Variants in DISC1 observed in about 807,000 individuals in gnomAD.
The protein encoded by DISC1 is disrupted in schizophrenia 1 protein.
A neutral mutation model predicts 84.5 loss-of-function variants in DISC1; 57 were observed. The observed-to-expected ratio is 0.67, with a 90% CI of 0.55 to 0.84. The LOEUF (loss-of-function observed/expected upper bound fraction) is 0.84. Among genes scored for constraint, DISC1 ranks in the 40% least tolerant of loss-of-function variants. The pLI is 0.00. For missense variants in DISC1, 1,000 were observed against 1,057.8 expected, an observed-to-expected ratio of 0.95 and a Z score of 0.76; for synonymous variants, 411 against 415.2, an observed-to-expected ratio of 0.99 and a Z score of 0.12.
chr1:231,705,415 TGGA>T (rs905493714), intron 3 of DISC1, among the ~76,000 whole-genome samples: 6 of 141,098 alleles, frequency 4.3e-5, no homozygotes, highest in African/African-American at 1.6e-4. Context: ...ATCAAAGTAG[TGGA>T]GGAGGAGGCA....
intron 4 of DISC1, among the ~76,000 whole-genome samples, chr1:231,752,401 G>C (rs1478933847): frequency 6.6e-6 from 1 of 152,150 alleles, no homozygotes; most frequent in Non-Finnish European, 1.5e-5. Context: ...AGAGAGAAAA[G>C]AGGGAGGTGC....
chr1:232,010,633 C>G (rs999519240), intron 11 of DISC1, among the ~76,000 whole-genome samples: 1 of 152,078 alleles, frequency 6.6e-6, no homozygotes, highest in African/African-American at 2.4e-5. Context: ...TACAAATGTG[C>G]TTAATATAAA....
intron 1 of DISC1, among the ~76,000 whole-genome samples, chr1:231,655,999 G>A (rs546912512): frequency 1.9e-4 from 29 of 152,178 alleles, no homozygotes; most frequent in African/African-American, 7.0e-4. Context: ...GTATTAGTCT[G>A]TTGTCGGATG....
intron 10 of DISC1, among the ~76,000 whole-genome samples, chr1:231,963,323 T>C (rs1456496534): frequency 6.6e-6 from 1 of 152,164 alleles, no homozygotes; most frequent in Non-Finnish European, 1.5e-5. Flanking sequence ...AGAGAAATAT[T>C]CGATTGAATC....
At chr1:231,906,854 A>C (rs1331738782) in intron 9 of DISC1, among the ~76,000 whole-genome samples, 1 of 152,166 alleles carries the variant, frequency 6.6e-6, no homozygotes, top group Non-Finnish European at 1.5e-5. Flanking sequence ...TAAGGGGCTT[A>C]TGTTTTATAT....
chr1:231,860,008 T>C (rs1176924851), intron 9 of DISC1, among the ~76,000 whole-genome samples: 1 of 152,162 alleles, frequency 6.6e-6, no homozygotes. Context: ...GGCTTAGTGA[T>C]GGAAGGAGAT....
intron 3 of DISC1, among the ~76,000 whole-genome samples, chr1:231,749,457 C>T (rs111725851): frequency 2.6e-5 from 4 of 152,228 alleles, no homozygotes; most frequent in Admixed American, 6.5e-5. Context: ...TGGTAGAATT[C>T]GAACATCATT....
chr1:231,902,537 GT>G (rs2088267058), intron 9 of DISC1, among the ~76,000 whole-genome samples: 2 of 151,798 alleles, frequency 1.3e-5, no homozygotes, highest in African/African-American at 4.8e-5. Flanking sequence ...GCAGAATGAG[GT>G]TGCAGTGAGC....
At chr1:231,907,301 T>G (rs2126043729) in intron 9 of DISC1, among the ~76,000 whole-genome samples, 1 of 151,998 alleles carries the variant, frequency 6.6e-6, no homozygotes, top group South Asian at 2.1e-4. Flanking sequence ...TATCTCCTAA[T>G]GCTATCCCTC....
At chr1:231,766,760 T>C (rs1486845327) in intron 4 of DISC1, among the ~76,000 whole-genome samples, 1 of 152,246 alleles carries the variant, frequency 6.6e-6, no homozygotes, top group Non-Finnish European at 1.5e-5. Flanking sequence ...CAACATATAA[T>C]GAACTTAAAA....
chr1:231,791,621 C>T (rs1457297717), intron 6 of DISC1, among the ~76,000 whole-genome samples: 1 of 152,148 alleles, frequency 6.6e-6, no homozygotes, highest in Non-Finnish European at 1.5e-5. Context: ...TGGTGTGTTT[C>T]TGAAAATGTG....
At chr1:231,914,219 A>G (rs2126062781) in intron 9 of DISC1, among the ~76,000 whole-genome samples, 1 of 152,380 alleles carries the variant, frequency 6.6e-6, no homozygotes, top group South Asian at 2.1e-4. Context: ...AAAGGTGCAT[A>G]GGAGATGAAT....
intron 10 of DISC1, among the ~76,000 whole-genome samples, chr1:231,972,920 A>G (rs1190664750): frequency 3.3e-5 from 5 of 152,064 alleles, no homozygotes; most frequent in African/African-American, 1.2e-4. Context: ...CCTCTGTGAA[A>G]CCCGTAATAT....
At chr1:231,905,502 G>C (rs941230069) in intron 9 of DISC1, among the ~76,000 whole-genome samples, 5 of 151,716 alleles carry the variant, frequency 3.3e-5, no homozygotes, top group African/African-American at 1.2e-4. Flanking sequence ...CACACCTGTA[G>C]TTCCTGCTGC....
intron 9 of DISC1, among the ~76,000 whole-genome samples, chr1:231,930,982 A>C (rs1384209688): frequency 6.6e-6 from 1 of 152,220 alleles, no homozygotes; most frequent in East Asian, 1.9e-4. Flanking sequence ...CCTTTTCTGC[A>C]GCTCAACTGA....
intron 9 of DISC1, among the ~76,000 whole-genome samples, chr1:231,859,534 C>T (rs2084501551): frequency 6.7e-6 from 1 of 149,786 alleles, no homozygotes; most frequent in Non-Finnish European, 1.5e-5. Context: ...GACCTAATCA[C>T]CTCCCAAAAC....
intron 11 of DISC1, among the ~76,000 whole-genome samples, chr1:232,021,684 C>G (rs997032156): frequency 6.6e-6 from 1 of 152,116 alleles, no homozygotes; most frequent in Non-Finnish European, 1.5e-5. Flanking sequence ...TAGGGACAAC[C>G]CATGTAAGGC....
At chr1:231,646,103 T>G (rs1431912484) in intron 1 of DISC1, among the ~76,000 whole-genome samples, 1 of 151,580 alleles carries the variant, frequency 6.6e-6, no homozygotes. Context: ...ATTATTTTGA[T>G]TAACTCGTCA....
intron 1 of DISC1, among the ~76,000 whole-genome samples, chr1:231,653,349 G>A (rs898534320): frequency 7.9e-5 from 12 of 152,220 alleles, no homozygotes; most frequent in Admixed American, 7.9e-4. Flanking sequence ...TGCCTTGCAT[G>A]GCCATGCAGG....
Sources: gnomAD v4.1 joint callset for allele counts (sites outside exome capture counted in the v4.1 genomes callset) on GRCh38, gnomAD v4.1.1 for gene constraint, MANE v1.5 for transcripts, NCBI Gene and HGNC (gene_info 2026-07-23, HGNC 2026-07-21) for gene names.